The following HECW2 variants were observed in gnomAD, a reference collection of about 807,000 sequenced individuals.
The protein encoded by HECW2 is E3 ubiquitin-protein ligase HECW2.
Under a neutral mutation model 175.2 loss-of-function variants are expected in HECW2, and 61 were observed. The observed-to-expected ratio is 0.35, with a 90% CI of 0.28 to 0.43. The LOEUF is 0.43. Among genes scored for constraint, HECW2 ranks in the 20% least tolerant of loss-of-function variants. HECW2 has a pLI of 1.00. For missense variants in HECW2, 1,524 were observed against 2,000.5 expected, an observed-to-expected ratio of 0.76 and a Z score of 4.54; for synonymous variants, 671 against 731.0, an observed-to-expected ratio of 0.92 and a Z score of 1.32.
chr2:196,395,947 A>G (rs1278004046), intron 2 of HECW2, among the ~76,000 whole-genome samples: 1 of 152,258 alleles, frequency 6.6e-6, no homozygotes, highest in African/African-American at 2.4e-5. Context: ...TAGGAGCACT[A>G]TTCACAATAG....
chr2:196,406,691 C>T (rs1260697516), intron 2 of HECW2, among the ~76,000 whole-genome samples: 3 of 152,206 alleles, frequency 2.0e-5, no homozygotes, highest in Non-Finnish European at 4.4e-5. Flanking sequence ...CCGCCATGCT[C>T]CAGCCACTCT....
At chr2:196,289,571 A>T (rs1315012342) in intron 14 of HECW2, 1 of 152,228 alleles carries the variant, frequency 6.6e-6, no homozygotes, top group East Asian at 1.9e-4. Flanking sequence ...GGAGATCACC[A>T]GGTTGCCTAA....
At chr2:196,530,220 T>C (rs1395551192) in intron 1 of HECW2, among the ~76,000 whole-genome samples, 1 of 152,220 alleles carries the variant, frequency 6.6e-6, no homozygotes, top group East Asian at 1.9e-4. Flanking sequence ...AGTTTTCCTG[T>C]GCTAAGCAAG....
chr2:196,328,860 C>T (rs1209704381), intron 5 of HECW2, among the ~76,000 whole-genome samples: 1 of 152,020 alleles, frequency 6.6e-6, no homozygotes, highest in Non-Finnish European at 1.5e-5. Flanking sequence ...CAACAGTGTC[C>T]TATGTATGAA....
chr2:196,266,279 T>C (rs1689513887), intron 17 of HECW2, among the ~76,000 whole-genome samples: 1 of 151,490 alleles, frequency 6.6e-6, no homozygotes, highest in African/African-American at 2.4e-5. Context: ...CCCAGGAGGT[T>C]GATGCTGCAG....
At chr2:196,281,217 A>C (rs1690170561) in intron 14 of HECW2, among the ~76,000 whole-genome samples, 1 of 148,228 alleles carries the variant, frequency 6.7e-6, no homozygotes, top group Non-Finnish European at 1.5e-5. Context: ...TCACTCTGTT[A>C]TCCCCAATAG....
intron 2 of HECW2, among the ~76,000 whole-genome samples, chr2:196,409,432 A>C (rs1219474374): frequency 6.6e-6 from 1 of 152,126 alleles, no homozygotes; most frequent in Non-Finnish European, 1.5e-5. Context: ...CTGACTCCCG[A>C]GATCTTACAG....
chr2:196,534,169 A>G (rs1688939116), intron 1 of HECW2, among the ~76,000 whole-genome samples: 1 of 152,186 alleles, frequency 6.6e-6, no homozygotes, highest in South Asian at 2.1e-4. Flanking sequence ...CATCCTTTAC[A>G]AGATCAGGTA....
chr2:196,575,477 A>G (rs990959035), intron 1 of HECW2, among the ~76,000 whole-genome samples: 11 of 152,182 alleles, frequency 7.2e-5, no homozygotes, highest in African/African-American at 2.2e-4. Context: ...TCAAAGCAGC[A>G]TTATTCATAA....
chr2:196,222,015 C>T (rs958929121), intron 24 of HECW2, among the ~76,000 whole-genome samples, 196 bp downstream of exon 24: 1 of 152,200 alleles, frequency 6.6e-6, no homozygotes, highest in Admixed American at 6.5e-5. Flanking sequence ...CTGTAATTTA[C>T]AGCATCTTAA....
At chr2:196,519,541 C>A (rs1575627772) in intron 1 of HECW2, among the ~76,000 whole-genome samples, 2 of 152,062 alleles carry the variant, frequency 1.3e-5, no homozygotes, top group Non-Finnish European at 2.9e-5. Context: ...ATGCTTTATA[C>A]CAGAAAAAAA....
intron 2 of HECW2, among the ~76,000 whole-genome samples, chr2:196,346,619 C>T (rs1276158708): frequency 1.3e-5 from 2 of 152,118 alleles, no homozygotes; most frequent in African/African-American, 4.8e-5. Context: ...GTGTTCAATC[C>T]ACCCACCAGC....
chr2:196,317,218 C>G, intron 10 of HECW2, 56 bp downstream of exon 10: 1 of 1,316,554 alleles, frequency 7.6e-7, no homozygotes, highest in South Asian at 1.2e-5. Flanking sequence ...AATGGGTCTG[C>G]CTGTCACCTT....
In HECW2 at chr2:196,292,601, C is replaced by G; in HGVS notation, c.2964G>C (p.Pro988=). 2 of 1,613,998 alleles carry G rather than the reference C, an allele frequency of 1.2e-6. No homozygotes were observed. Among genetic ancestry groups the G allele is most frequent in the Non-Finnish European group, 1.7e-6 (2 of 1,179,880 alleles). The part of the protein sequence containing the change: ...NMFANKQLEL[P]RGWEMKHDHQ... The stretch of plus-strand genomic sequence containing the variant: ...GATCATGTTTCATTTCCCATCCCCG[C>G]GGCAGCTCTAGCTGTTTGTTCGCGA... Residue 988 remains proline (P), a synonymous_variant, in exon 14 of 29, where the codon CCG becomes CCC. Transcript: ENST00000644978.
At chr2:196,386,347 G>A (rs1694351229) in intron 2 of HECW2, among the ~76,000 whole-genome samples, 1 of 152,164 alleles carries the variant, frequency 6.6e-6, no homozygotes, top group Admixed American at 6.5e-5. Context: ...TTCAGAAGGG[G>A]ATGTTTGAGC....
At chr2:196,463,991 T>C (rs1696846387) in intron 1 of HECW2, among the ~76,000 whole-genome samples, 2 of 152,184 alleles carry the variant, frequency 1.3e-5, no homozygotes, top group African/African-American at 4.8e-5. Context: ...CAGGTCCTTT[T>C]ATTTTACTTT....
chr2:196,526,827 C>G (rs1688672217), intron 1 of HECW2, among the ~76,000 whole-genome samples: 1 of 152,092 alleles, frequency 6.6e-6, no homozygotes, highest in Admixed American at 6.5e-5. Context: ...AGGAGGCAGT[C>G]TGCCAGTTCT....
intron 2 of HECW2, among the ~76,000 whole-genome samples, chr2:196,396,999 C>G (rs1181834875): frequency 6.6e-6 from 1 of 151,944 alleles, no homozygotes; most frequent in Non-Finnish European, 1.5e-5. Flanking sequence ...TGTAGTCCCA[C>G]CTACTCGGGA....
intron 10 of HECW2, among the ~76,000 whole-genome samples, chr2:196,310,289 T>C (rs767847864): frequency 1.4e-4 from 21 of 152,200 alleles, no homozygotes; most frequent in Non-Finnish European, 2.5e-4. Flanking sequence ...ATTAAAATTA[T>C]CCCTATCAAA....
Sources: gnomAD v4.1 joint callset for allele counts (sites outside exome capture counted in the v4.1 genomes callset) on GRCh38, gnomAD v4.1.1 for gene constraint, MANE v1.5 for transcripts, NCBI Gene and HGNC (gene_info 2026-07-23, HGNC 2026-07-21) for gene names.